The following BCL2L10 variants were observed in gnomAD, a reference collection of about 807,000 sequenced individuals.
BCL2L10 encodes the protein bcl-2-like protein 10.
In BCL2L10, 14 loss-of-function variants were observed where a neutral mutation model predicts 11.1. That is an observed-to-expected ratio of 1.26 (90% CI 0.83 to 1.96). The LOEUF is 1.96. BCL2L10 is among the 30% of genes most tolerant of loss of function. The pLI is 0.00. For missense variants in BCL2L10, 309 were observed against 273.9 expected, an observed-to-expected ratio of 1.13 and a Z score of -0.90; for synonymous variants, 154 against 133.4, an observed-to-expected ratio of 1.15 and a Z score of -1.07.
Position 52,109,729 on chromosome 15 carries a change from C to A in BCL2L10, c.*119G>T. The A allele has an allele frequency of 1.5e-6, 2 of 1,375,300 alleles. No homozygotes were observed. The highest frequency in any genetic ancestry group is 1.0e-6 in the Non-Finnish European group (1 of 1,001,346). The allele number at this position is 1,375,300 out of a possible 1,614,324, so 85.2% of individuals were successfully genotyped here. A position where few individuals can be genotyped will look rare whatever the true frequency, so the allele number is the denominator to read the frequency against. On this transcript the variant is annotated 3_prime_UTR_variant, in exon 2 of 2. Transcript: ENST00000260442. Reference sequence around the variant, plus strand: ...TCACCACCTCAGGACTCCTTGTATGCATTCAGATAAAAACGTCTGGGGTGG... The same window carrying A: ...TCACCACCTCAGGACTCCTTGTATGAATTCAGATAAAAACGTCTGGGGTGG...
chr15:52,112,575 G>C lies in BCL2L10; in HGVS notation c.152C>G (p.Ser51Cys). ...PSTPEAAVLRSAAARLRQIHR... is the reference protein window; with the variant it reads ...PSTPEAAVLRCAAARLRQIHR... ...AATCTGCCGTAACCTGGCGGCCGCG[G>C]AGCGCAGCACGGCGGCCTCGGGCGT... The change falls in exon 1 of 2, where the codon TCC becomes TGC. Residue 51 changes from serine (S) to cysteine (C), a missense_variant. Transcript: ENST00000260442. 6.3e-7 allele frequency: 1 copy of C among 1,579,714 alleles called. No individual in the cohort carries two copies. Among genetic ancestry groups the C allele is most frequent in the Non-Finnish European group, 8.5e-7 (1 of 1,170,260 alleles).
In BCL2L10 at chr15:52,112,721, A is replaced by G. The variant is rs775643149; in HGVS notation, c.6T>C (p.Val2=). 22 of 1,532,148 alleles carry G rather than the reference A, an allele frequency of 1.4e-5. No homozygotes were observed. In the Admixed American group the frequency reaches 1.8e-4, roughly 12 times the overall value. 94.9% of individuals were successfully genotyped at this position (1,532,148 alleles called of 1,614,324 possible). ...TGGTGGTGCGCTCCCGCAACTGGTCAACCATGGTCCGGCCTCTGCTGGGGG... is the reference window on the plus strand; with the variant it reads ...TGGTGGTGCGCTCCCGCAACTGGTCGACCATGGTCCGGCCTCTGCTGGGGG... The part of the protein sequence containing the change: M[V]DQLRERTTMA... The change falls in exon 1 of 2, where the codon GTT becomes GTC. Residue 2 remains valine (V), a synonymous_variant. Transcript: ENST00000260442.
At position 52,109,856 on chromosome 15, in the gene BCL2L10, A is replaced by G. The variant is rs763866209; in HGVS notation, c.607T>C (p.Leu203=). 1.1e-5 allele frequency: 18 copies of G among 1,613,824 alleles called. No individual in the cohort carries two copies. Among genetic ancestry groups the G allele is most frequent in the African/African-American group, 1.3e-5 (1 of 74,898 alleles). The change falls in exon 2 of 2, where the codon TTA becomes CTA. Residue 203 remains leucine (L), a synonymous_variant. Transcript: ENST00000260442. The stretch of plus-strand genomic sequence containing the variant: ...GTTAAAAGTTTTAAAACTCATAATA[A>G]TCGTGTCCAGAGATAAATGAAGGCT... ...TTAFIYLWTR[L]L is the part of the protein sequence containing the mutation.
At chr15:52,112,010 A>G (rs1310159953) in intron 1 of BCL2L10, among the ~76,000 whole-genome samples, 1 of 152,204 alleles carries the variant, frequency 6.6e-6, no homozygotes, top group African/African-American at 2.4e-5. Context: ...CTGCTTCGGA[A>G]CGGTTCACGG....
In BCL2L10 at chr15:52,109,947, G is replaced by A. The variant is rs1002786894; in HGVS notation, c.516C>T (p.Thr172=). 9 of 1,612,688 alleles carry A rather than the reference G, an allele frequency of 5.6e-6. No individual in the cohort carries two copies. The highest frequency in any genetic ancestry group is 1.7e-5 in the Admixed American group (1 of 59,852). ...GWDGFCHFFR[T]PFPLAFWRKQ... ...TTCTCCAAAAAGCCAGTGGAAAGGG[G>A]GTCCTGAAGAAGTGACAAAAGCCAT... Residue 172 remains threonine (T), a synonymous_variant, in exon 2 of 2, where the codon ACC becomes ACT. Transcript: ENST00000260442.
At position 52,112,045 on chromosome 15, in the gene BCL2L10, C is replaced by G. The variant is rs954819493; in HGVS notation, c.489+193G>C. The G allele has an allele frequency of 1.3e-5, 15 of 1,159,132 alleles. No individual in the cohort carries two copies. The African/African-American group carries it at 1.5e-4, about 11-fold the overall frequency. 71.8% of individuals were successfully genotyped at this position (1,159,132 alleles called of 1,614,324 possible). On this transcript the variant is annotated intron_variant, in intron 1 of 1. Coordinates refer to ENST00000260442, the MANE Select transcript of BCL2L10 (RefSeq NM_020396.4). The stretch of plus-strand genomic sequence containing the variant: ...GCCGTCTAAGAAGGCCGATTTCTGC[C>G]GGCCTTTCTGCCAGGGGAGGAGAAA...
chr15:52,111,433 T>A (rs1239410654), intron 1 of BCL2L10, among the ~76,000 whole-genome samples: 1 of 151,864 alleles, frequency 6.6e-6, no homozygotes. Flanking sequence ...TCAAAAAACT[T>A]GCTGGTTTTA....
rs545029770 is a variant in BCL2L10 at position 52,111,600 on chromosome 15, G to A, written c.489+638C>T. ...GCTTTCCTTGATCATCAGCTGCAGG[G>A]CAAGGGCCTGTCCCTCTAACCTTGA... On this transcript the variant is annotated intron_variant, in intron 1 of 1. Coordinates refer to ENST00000260442, the MANE Select transcript of BCL2L10 (RefSeq NM_020396.4). Among the ~76,000 whole-genome samples the A allele has an allele frequency of 2.6e-5, 4 of 152,226 alleles. No individual in the cohort carries two copies. In the East Asian group the frequency reaches 7.7e-4, roughly 29 times the overall value.
intron 1 of BCL2L10, 59 bp from the exon 2 acceptor site, chr15:52,110,032 A>G: frequency 6.8e-7 from 1 of 1,474,616 alleles, no homozygotes; most frequent in Non-Finnish European, 9.2e-7. Context: ...CTCACTCAAA[A>G]CACGCAGGAA....
rs2033029617 is a variant in BCL2L10 at position 52,109,984 on chromosome 15, G to A, written c.490-11C>T. 1.9e-6 allele frequency: 3 copies of A among 1,591,340 alleles called. No homozygotes were observed. Among genetic ancestry groups the A allele is most frequent in the Admixed American group, 1.8e-5 (1 of 55,426 alleles). On this transcript the variant is annotated splice_polypyrimidine_tract_variant and intron_variant, in intron 1 of 1. Transcript: ENST00000260442. ...GTGACAAAAGCCATCCTACAGGGGG[G>A]AGAGAGAAAAGTTAGATTGCCTCAT...
In BCL2L10 at chr15:52,109,702, A is replaced by G; in HGVS notation, c.*146T>C. ...TTGTCACAAGTTAAAACACTGGCCAAATCACCACCTCAGGACTCCTTGTAT... is the reference window on the plus strand; with the variant it reads ...TTGTCACAAGTTAAAACACTGGCCAGATCACCACCTCAGGACTCCTTGTAT... On this transcript the variant is annotated 3_prime_UTR_variant, in exon 2 of 2. Transcript: ENST00000260442. The G allele has an allele frequency of 8.8e-7, 1 of 1,133,726 alleles. No individual in the cohort carries two copies. Among genetic ancestry groups the G allele is most frequent in the Non-Finnish European group, 1.2e-6 (1 of 809,912 alleles). 70.2% of individuals were successfully genotyped at this position (1,133,726 alleles called of 1,614,324 possible). A position where few individuals can be genotyped will look rare whatever the true frequency, so the allele number is the denominator to read the frequency against.
chr15:52,111,912 G>T (rs527652887), intron 1 of BCL2L10, among the ~76,000 whole-genome samples: 2 of 152,186 alleles, frequency 1.3e-5, no homozygotes, highest in African/African-American at 2.4e-5. Flanking sequence ...GGAGCAAAAC[G>T]TTCAGACCTA....
chr15:52,109,399 G>T lies in BCL2L10; in HGVS notation c.*449C>A, dbSNP rs1422938508. ...TGGTTTCAAAGAATTCCTTATAAGT[G>T]ATTTTAACATTACATTCTTTGTTAA... On this transcript the variant is annotated 3_prime_UTR_variant, in exon 2 of 2. Coordinates refer to ENST00000260442, the MANE Select transcript of BCL2L10 (RefSeq NM_020396.4). The T allele has an allele frequency of 6.5e-6, 1 of 153,398 alleles. No homozygotes were observed. Among genetic ancestry groups the T allele is most frequent in the Middle Eastern group, 3.4e-3 (1 of 294 alleles). The allele number at this position is 153,398 out of a possible 1,614,324, so 9.5% of individuals were successfully genotyped here. A position where few individuals can be genotyped will look rare whatever the true frequency, so the allele number is the denominator to read the frequency against.
At chr15:52,110,050 A>G in intron 1 of BCL2L10, 77 bp from the exon 2 acceptor site, 3 of 1,374,566 alleles carry the variant, frequency 2.2e-6, no homozygotes, top group Non-Finnish European at 3.0e-6. Flanking sequence ...GAACTTCCAG[A>G]TTAAACAGCA....
chr15:52,111,149 T>G (rs1293417478), intron 1 of BCL2L10, among the ~76,000 whole-genome samples: 3 of 139,112 alleles, frequency 2.2e-5, no homozygotes, highest in Non-Finnish European at 4.6e-5. Context: ...TTGGCCAACA[T>G]GGTGAAAGCC....
At position 52,112,742 on chromosome 15, in the gene BCL2L10, G is replaced by C. The variant is rs1011626679; in HGVS notation, c.-16C>G. ...GGTCAACCATGGTCCGGCCTCTGCT[G>C]GGGGGCCGGGCCTTCGCTGGTTTTC... On this transcript the variant is annotated 5_prime_UTR_variant, in exon 1 of 2. Transcript: ENST00000260442. The C allele has an allele frequency of 1.1e-5, 17 of 1,513,726 alleles. No homozygotes were observed. In the East Asian group the frequency reaches 4.4e-4, roughly 39 times the overall value. The allele number at this position is 1,513,726 out of a possible 1,614,324, so 93.8% of individuals were successfully genotyped here. A position where few individuals can be genotyped will look rare whatever the true frequency, so the allele number is the denominator to read the frequency against.
At chr15:52,110,304 A>T (rs2033035526) in intron 1 of BCL2L10, among the ~76,000 whole-genome samples, 1 of 152,218 alleles carries the variant, frequency 6.6e-6, no homozygotes, top group Non-Finnish European at 1.5e-5. Flanking sequence ...AAGTCACTAG[A>T]TTGAAAAGTT....
At chr15:52,112,120 G>T in intron 1 of BCL2L10, 118 bp downstream of exon 1, 1 of 1,389,614 alleles carries the variant, frequency 7.2e-7, no homozygotes, top group Non-Finnish European at 9.3e-7. Context: ...GAGCCTTTCT[G>T]CTTTCACGAA....
chr15:52,111,555 A>G (rs2414131), intron 1 of BCL2L10, among the ~76,000 whole-genome samples: 80,663 of 151,944 alleles, frequency 0.53, 24,735 homozygotes, highest in East Asian at 0.86. Context: ...AGAGGCATGC[A>G]GTGGGCTCAT....
Sources: allele counts gnomAD v4.1 joint callset (sites outside exome capture counted in the v4.1 genomes callset), GRCh38; gene constraint gnomAD v4.1.1; transcripts MANE v1.5; gene names NCBI Gene and HGNC (gene_info 2026-07-23, HGNC 2026-07-21).